Variants in PFDN1 observed in about 807,000 individuals in gnomAD.
PFDN1 encodes the protein prefoldin 1.
Under a neutral mutation model 17.3 loss-of-function variants are expected in PFDN1, and 6 were observed. The observed-to-expected ratio is 0.35, with a 90% confidence interval of 0.19 to 0.69. The LOEUF (loss-of-function observed/expected upper bound fraction) is 0.69, where lower values mean the gene tolerates loss of function less well. Among genes scored for constraint, PFDN1 ranks in the 30% least tolerant of loss-of-function variants. The pLI, the probability that PFDN1 is intolerant of heterozygous loss-of-function variation, is 0.65. For synonymous variants in PFDN1, 58 were observed against 50.1 expected (o/e 1.16, Z -0.67); for missense variants, 113 against 146.2 (o/e 0.77, Z 1.17).
At chr5:140,281,633 G>A in intron 2 of PFDN1, 100 bp from the exon 3 acceptor site, 4 of 689,402 alleles carry the variant, frequency 5.8e-6, no homozygotes, top group South Asian at 3.2e-5. Context: ...CAAATTAAAA[G>A]GACAAATGCA....
chr5:140,251,790 T>C (rs1437757719), intron 3 of PFDN1, among the ~76,000 whole-genome samples: 1 of 152,100 alleles, frequency 6.6e-6, no homozygotes, highest in Non-Finnish European at 1.5e-5. Context: ...TGAGGTTCTT[T>C]TTTCCAGGAG....
intron 3 of PFDN1, among the ~76,000 whole-genome samples, chr5:140,256,072 C>T (rs548953200): frequency 1.3e-5 from 2 of 152,296 alleles, no homozygotes; most frequent in South Asian, 2.1e-4. Context: ...CATGACACCA[C>T]ACTTCTATTC....
intron 3 of PFDN1, among the ~76,000 whole-genome samples, chr5:140,270,987 C>G (rs750586468): frequency 6.6e-6 from 1 of 152,128 alleles, no homozygotes; most frequent in Non-Finnish European, 1.5e-5. Context: ...ATCTACAATA[C>G]TTCTATGAAG....
chr5:140,282,998 A>T (rs965441964), intron 2 of PFDN1, among the ~76,000 whole-genome samples: 1 of 152,224 alleles, frequency 6.6e-6, no homozygotes, highest in African/African-American at 2.4e-5. Context: ...TCCTCTGCCA[A>T]CCCCACAAAA....
intron 3 of PFDN1, among the ~76,000 whole-genome samples, chr5:140,267,901 G>T (rs1475626887): frequency 2.6e-5 from 4 of 152,154 alleles, no homozygotes; most frequent in Admixed American, 1.3e-4. Context: ...AACGTTTCCT[G>T]ACCTGGAAGT....
intron 2 of PFDN1, among the ~76,000 whole-genome samples, chr5:140,288,706 C>T (rs1042719830): frequency 6.6e-6 from 1 of 152,122 alleles, no homozygotes; most frequent in Non-Finnish European, 1.5e-5. Flanking sequence ...AGTTGCTGGC[C>T]GTGCACGGTG....
chr5:140,281,366 A>G, intron 3 of PFDN1, 83 bp downstream of exon 3: 1 of 672,310 alleles, frequency 1.5e-6, no homozygotes, highest in African/African-American at 1.8e-5. Context: ...TTTGGCAGGC[A>G]GGCATACATT....
intron 3 of PFDN1, among the ~76,000 whole-genome samples, chr5:140,246,972 C>T (rs992096432): frequency 7.2e-5 from 11 of 152,268 alleles, no homozygotes; most frequent in Admixed American, 6.5e-4. Context: ...ACACTGGAAC[C>T]AGTAATACAG....
At chr5:140,289,907 A>T (rs923370921) in intron 2 of PFDN1, among the ~76,000 whole-genome samples, 2 of 152,054 alleles carry the variant, frequency 1.3e-5, no homozygotes, top group Non-Finnish European at 2.9e-5. Context: ...TCACCTCACT[A>T]TTCCACTTCC....
chr5:140,245,490 G>T lies in PFDN1; in HGVS notation c.*484C>A. On this transcript the variant is annotated 3_prime_UTR_variant, in exon 4 of 4. Transcript: ENST00000261813. Reference sequence around the variant, plus strand: ...AAGCTGAGCGTTAGTCAAAGGTACAGGAAGGGAAAAGAGAAGAGGGCAAGG... The same window carrying T: ...AAGCTGAGCGTTAGTCAAAGGTACATGAAGGGAAAAGAGAAGAGGGCAAGG... The T allele has an allele frequency of 1.4e-6, 1 of 702,648 alleles. No individual in the cohort carries two copies. Among genetic ancestry groups the T allele is most frequent in the Admixed American group, 2.0e-5 (1 of 50,028 alleles). The allele number at this position is 702,648 out of a possible 1,614,324, so 43.5% of individuals were successfully genotyped here.
intron 3 of PFDN1, among the ~76,000 whole-genome samples, chr5:140,269,642 T>A (rs1765178260): frequency 6.6e-6 from 1 of 152,140 alleles, no homozygotes; most frequent in Non-Finnish European, 1.5e-5. Context: ...ATTAAGACAA[T>A]GATCTGGACA....
intron 2 of PFDN1, among the ~76,000 whole-genome samples, chr5:140,291,388 C>G (rs1369004460): frequency 6.6e-6 from 1 of 152,030 alleles, no homozygotes; most frequent in Non-Finnish European, 1.5e-5. Flanking sequence ...AAGGGTGACT[C>G]CAAGATTTGG....
rs1400492538 is a variant in PFDN1, at chr5:140,245,730, C to G, written c.*244G>C. 1.6e-6 allele frequency: 1 copy of G among 612,258 alleles called. No individual in the cohort carries two copies. Among genetic ancestry groups the G allele is most frequent in the Non-Finnish European group, 2.9e-6 (1 of 344,580 alleles). 37.9% of individuals were successfully genotyped at this position (612,258 alleles called of 1,614,324 possible). On this transcript the variant is annotated 3_prime_UTR_variant, in exon 4 of 4. Coordinates refer to ENST00000261813, the MANE Select transcript of PFDN1 (RefSeq NM_002622.5). ...TGCCCTGGCTCCCATCTTCCCTCTC[C>G]TGGGAGTTCATCACACATCCCGAGA...
chr5:140,250,403 CCCT>C (rs1168808683), intron 3 of PFDN1, among the ~76,000 whole-genome samples: 2 of 152,182 alleles, frequency 1.3e-5, no homozygotes, highest in Non-Finnish European at 2.9e-5. Flanking sequence ...ATTACTCATC[CCCT>C]CACTTCCTTC....
At chr5:140,277,285 G>C (rs1392450782) in intron 3 of PFDN1, among the ~76,000 whole-genome samples, 4 of 151,730 alleles carry the variant, frequency 2.6e-5, no homozygotes, top group African/African-American at 7.3e-5. Flanking sequence ...TTACATGAGA[G>C]AGTAATATGA....
At chr5:140,298,951 A>C (rs892271765) in intron 2 of PFDN1, among the ~76,000 whole-genome samples, 11 of 152,214 alleles carry the variant, frequency 7.2e-5, no homozygotes, top group African/African-American at 2.6e-4. Flanking sequence ...GGGTTTCACC[A>C]TGTTGGCCAG....
intron 2 of PFDN1, chr5:140,281,850 C>A (rs1205899116): frequency 1.3e-5 from 3 of 223,292 alleles, no homozygotes; most frequent in Non-Finnish European, 2.6e-5. Flanking sequence ...CTAGTCTGGG[C>A]AACATAGCAA....
In PFDN1 at chr5:140,284,597, A is replaced by C. The variant is rs1390801656; in HGVS notation, c.201-3064T>G. Among the ~76,000 whole-genome samples, 3 of 152,380 alleles carry C rather than the reference A, an allele frequency of 2.0e-5. No homozygotes were observed. In the East Asian group the frequency reaches 5.8e-4, roughly 29 times the overall value. ...AGTTGCTCAATGTAGAGAATCTCAT[A>C]GTCATTCTGCCTGATTGTTTATGGA... On this transcript the variant is annotated intron_variant, in intron 2 of 3. Transcript: ENST00000261813.
At chr5:140,250,632 A>G (rs1764898943) in intron 3 of PFDN1, among the ~76,000 whole-genome samples, 1 of 152,254 alleles carries the variant, frequency 6.6e-6, no homozygotes, top group South Asian at 2.1e-4. Flanking sequence ...TGGCTGGCAC[A>G]TAATAGGAAT....
Sources: gnomAD v4.1 joint callset for allele counts (sites outside exome capture counted in the v4.1 genomes callset) on GRCh38, gnomAD v4.1.1 for gene constraint, MANE v1.5 for transcripts, NCBI Gene and HGNC (gene_info 2026-07-23, HGNC 2026-07-21) for gene names.